The following GLIS3 variants were observed in gnomAD, a reference collection of about 807,000 sequenced individuals.
GLIS3 encodes the protein zinc finger protein GLIS3.
A neutral mutation model predicts 78.6 loss-of-function variants in GLIS3; 53 were observed. The ratio of observed to expected loss-of-function variants is 0.67; its 90% CI spans 0.54 to 0.85. The LOEUF is 0.85. Ranked by LOEUF, GLIS3 falls within the 40% of genes least tolerant of loss-of-function variation. The probability of loss-of-function intolerance (pLI) is 0.00; values close to 1 mark genes in which losing one functional copy is unlikely to be tolerated. For synonymous variants in GLIS3, 684 were observed against 509.9 expected (o/e 1.34, Z -4.60); for missense variants, 1,703 against 1,231.1 (o/e 1.38, Z -5.74).
At chr9:3,980,655 G>T (rs770163645) in intron 4 of GLIS3, among the ~76,000 whole-genome samples, 3 of 152,088 alleles carry the variant, frequency 2.0e-5, no homozygotes, top group Admixed American at 2.0e-4. Context: ...TTTAATCAGA[G>T]GGCATTTTAT....
At chr9:3,913,352 A>C (rs1248450971) in intron 6 of GLIS3, among the ~76,000 whole-genome samples, 1 of 152,220 alleles carries the variant, frequency 6.6e-6, no homozygotes, top group Non-Finnish European at 1.5e-5. Flanking sequence ...AACAGTCAGT[A>C]TAGTTTTTCT....
At chr9:4,342,170 C>G (rs1474567770) in intron 2 of GLIS3, among the ~76,000 whole-genome samples, 2 of 152,130 alleles carry the variant, frequency 1.3e-5, no homozygotes, top group African/African-American at 4.8e-5. Flanking sequence ...TTGTCAAGGC[C>G]TATGTCCAGA....
At chr9:4,263,311 A>G (rs1294953721) in intron 2 of GLIS3, among the ~76,000 whole-genome samples, 1 of 152,210 alleles carries the variant, frequency 6.6e-6, no homozygotes, top group African/African-American at 2.4e-5. Flanking sequence ...TTCACTCTAC[A>G]GTATAATGTA....
chr9:4,267,953 G>A (rs1203558077), intron 2 of GLIS3, among the ~76,000 whole-genome samples: 1 of 60,356 alleles, frequency 1.7e-5, no homozygotes, highest in Non-Finnish European at 3.5e-5. Context: ...ACCTGTGTGT[G>A]TGTGTGTGTG....
At chr9:4,067,676 G>GT (rs1459903043) in intron 4 of GLIS3, among the ~76,000 whole-genome samples, 1 of 152,090 alleles carries the variant, frequency 6.6e-6, no homozygotes, top group African/African-American at 2.4e-5. Context: ...TCCAAAGACA[G>GT]TATAGAGATG....
At chr9:4,255,976 A>G (rs1824898206) in intron 2 of GLIS3, among the ~76,000 whole-genome samples, 2 of 152,140 alleles carry the variant, frequency 1.3e-5, no homozygotes, top group African/African-American at 4.8e-5. Flanking sequence ...TATATGGGAA[A>G]TCTCTGTACC....
intron 2 of GLIS3, among the ~76,000 whole-genome samples, chr9:4,187,751 T>A (rs1224530542): frequency 6.6e-6 from 1 of 152,158 alleles, no homozygotes; most frequent in Non-Finnish European, 1.5e-5. Flanking sequence ...TTATTCTCTT[T>A]GAAGCAACTG....
intron 4 of GLIS3, among the ~76,000 whole-genome samples, chr9:3,951,501 A>G (rs1816675279): frequency 6.6e-6 from 1 of 152,134 alleles, no homozygotes; most frequent in Admixed American, 6.5e-5. Flanking sequence ...TAAAGAATGT[A>G]TGCTGGACTA....
At chr9:4,467,201 G>T in the GLIS3 span, among the ~76,000 whole-genome samples, 2 of 152,286 alleles carry the variant, frequency 1.3e-5, no homozygotes, top group Admixed American at 6.5e-5. Context: ...CTCCACCTCT[G>T]GGGGCAGGGA....
chr9:4,265,456 T>C (rs1825909314), intron 2 of GLIS3, among the ~76,000 whole-genome samples: 1 of 145,826 alleles, frequency 6.9e-6, no homozygotes, highest in Non-Finnish European at 1.5e-5. Context: ...GAACTGGGAT[T>C]CAATCTCACA....
At chr9:4,259,754 G>T (rs1825333260) in intron 2 of GLIS3, among the ~76,000 whole-genome samples, 2 of 152,180 alleles carry the variant, frequency 1.3e-5, no homozygotes, top group Admixed American at 1.3e-4. Flanking sequence ...GCACCCTCTT[G>T]TCACTGTGAC....
chr9:3,932,024 GAACTT>G (rs1346596449), intron 6 of GLIS3, among the ~76,000 whole-genome samples: 2 of 152,172 alleles, frequency 1.3e-5, no homozygotes, highest in African/African-American at 2.4e-5. Context: ...TTAGCTATCT[GAACTT>G]AACTTCTATA....
At chr9:3,881,840 A>G in intron 7 of GLIS3, among the ~76,000 whole-genome samples, 1 of 152,364 alleles carries the variant, frequency 6.6e-6, no homozygotes, top group East Asian at 1.9e-4. Flanking sequence ...ACCAAGACCT[A>G]TTAGTATAAA....
At chr9:4,159,592 G>A (rs1835316894) in intron 2 of GLIS3, among the ~76,000 whole-genome samples, 1 of 152,138 alleles carries the variant, frequency 6.6e-6, no homozygotes, top group Non-Finnish European at 1.5e-5. Context: ...GGTGGCACAT[G>A]CCTGTAATTC....
chr9:3,843,122 G>C (rs1040343224), intron 9 of GLIS3, among the ~76,000 whole-genome samples: 2 of 152,132 alleles, frequency 1.3e-5, no homozygotes, highest in African/African-American at 2.4e-5. Flanking sequence ...TCTCACTGTT[G>C]GTCCCATACT....
intron 4 of GLIS3, among the ~76,000 whole-genome samples, chr9:3,956,076 T>G (rs1817091280): frequency 6.7e-6 from 1 of 148,694 alleles, no homozygotes; most frequent in East Asian, 2.0e-4. Context: ...GAATTCTTCA[T>G]CCGTGGTCAA....
At chr9:3,834,254 C>T (rs111557530) in intron 9 of GLIS3, among the ~76,000 whole-genome samples, 19 of 152,126 alleles carry the variant, frequency 1.2e-4, no homozygotes, top group African/African-American at 4.3e-4. Flanking sequence ...CTTTGGATTT[C>T]GTTTCCAAAC....
chr9:4,234,936 A>G (rs1252715823), intron 2 of GLIS3, among the ~76,000 whole-genome samples: 1 of 152,158 alleles, frequency 6.6e-6, no homozygotes, highest in East Asian at 1.9e-4. Context: ...GCATCGCCAC[A>G]TACACTCCAT....
intron 4 of GLIS3, among the ~76,000 whole-genome samples, chr9:4,097,487 G>C (rs927456579): frequency 9.2e-5 from 14 of 152,038 alleles, no homozygotes; most frequent in Admixed American, 2.0e-4. Context: ...CAGTGAGAAG[G>C]CAGAGGAAGG....
Sources: allele counts gnomAD v4.1 joint callset (sites outside exome capture counted in the v4.1 genomes callset), GRCh38; gene constraint gnomAD v4.1.1; transcripts MANE v1.5; gene names NCBI Gene and HGNC (gene_info 2026-07-23, HGNC 2026-07-21).